Variants in LRRC4C observed in about 807,000 individuals in gnomAD.
LRRC4C encodes the protein leucine rich repeat containing 4C.
Under a neutral mutation model 33.6 loss-of-function variants are expected in LRRC4C, and 5 were observed. The ratio of observed to expected loss-of-function variants is 0.15; its 90% CI spans 0.08 to 0.31. The LOEUF (loss-of-function observed/expected upper bound fraction) is 0.31. Among genes scored for constraint, LRRC4C ranks in the 10% least tolerant of loss-of-function variants. LRRC4C has a pLI of 1.00. For missense variants in LRRC4C, 560 were observed against 796.7 expected, an observed-to-expected ratio of 0.70 and a Z score of 3.58; for synonymous variants, 329 against 302.0, an observed-to-expected ratio of 1.09 and a Z score of -0.93.
chr11:40,194,330 G>T (rs1862075861), intron 5 of LRRC4C, among the ~76,000 whole-genome samples: 1 of 152,156 alleles, frequency 6.6e-6, no homozygotes, highest in Non-Finnish European at 1.5e-5. Context: ...TTTCAACCTA[G>T]AATTTCACAT....
chr11:41,005,918 G>A (rs772429085), intron 1 of LRRC4C, among the ~76,000 whole-genome samples: 6 of 152,000 alleles, frequency 3.9e-5, no homozygotes, highest in Non-Finnish European at 8.8e-5. Context: ...GGTCCCTTCA[G>A]GTACAGAGTA....
chr11:40,273,450 C>T (rs149914075), intron 4 of LRRC4C, among the ~76,000 whole-genome samples: 1 of 152,180 alleles, frequency 6.6e-6, no homozygotes, highest in East Asian at 1.9e-4. Context: ...AACAGGGACA[C>T]AAAATACAGA....
At chr11:40,478,694 G>A (rs1444357134) in intron 3 of LRRC4C, among the ~76,000 whole-genome samples, 2 of 152,112 alleles carry the variant, frequency 1.3e-5, no homozygotes, top group Non-Finnish European at 2.9e-5. Context: ...GGGCACAGAG[G>A]AATCCAGTAA....
intron 3 of LRRC4C, among the ~76,000 whole-genome samples, chr11:40,345,598 G>A (rs1947090165): frequency 6.6e-6 from 1 of 151,908 alleles, no homozygotes; most frequent in African/African-American, 2.4e-5. Context: ...TAAAAACCCT[G>A]ACAAATAACA....
At chr11:41,188,570 T>G (rs750564878) in intron 1 of LRRC4C, among the ~76,000 whole-genome samples, 1 of 152,100 alleles carries the variant, frequency 6.6e-6, no homozygotes, top group Non-Finnish European at 1.5e-5. Context: ...CAATCATTCA[T>G]AGATGGACTG....
intron 3 of LRRC4C, among the ~76,000 whole-genome samples, chr11:40,490,065 C>A (rs144261812): frequency 6.6e-6 from 1 of 152,092 alleles, no homozygotes; most frequent in African/African-American, 2.4e-5. Context: ...CAGTGCCTGC[C>A]ATCTTTGTGT....
intron 1 of LRRC4C, among the ~76,000 whole-genome samples, chr11:40,987,221 T>A (rs767499898): frequency 6.6e-6 from 1 of 152,188 alleles, no homozygotes; most frequent in Non-Finnish European, 1.5e-5. Context: ...CCCTTGACCA[T>A]GTCCATAAAA....
At chr11:40,484,804 C>A (rs886584686) in intron 3 of LRRC4C, among the ~76,000 whole-genome samples, 9 of 151,980 alleles carry the variant, frequency 5.9e-5, no homozygotes, top group Admixed American at 2.0e-4. Context: ...CAACAAAAAT[C>A]CTGCTAAGAA....
intron 1 of LRRC4C, among the ~76,000 whole-genome samples, chr11:41,230,127 G>C (rs557711829): frequency 3.3e-5 from 5 of 151,950 alleles, no homozygotes; most frequent in South Asian, 2.1e-4. Flanking sequence ...TCAGAGGATT[G>C]GTCTTCTCTT....
chr11:40,210,471 A>G (rs189227549), intron 5 of LRRC4C, among the ~76,000 whole-genome samples: 10 of 152,310 alleles, frequency 6.6e-5, no homozygotes, highest in Admixed American at 6.5e-4. Context: ...GAAAAAGAGG[A>G]AAATGAACAG....
At chr11:40,847,695 T>C (rs747973085) in intron 2 of LRRC4C, among the ~76,000 whole-genome samples, 2 of 152,094 alleles carry the variant, frequency 1.3e-5, no homozygotes, top group Admixed American at 6.5e-5. Flanking sequence ...TCTTTTTCCA[T>C]TGTTGGAAAT....
At chr11:41,005,674 G>T (rs777764644) in intron 1 of LRRC4C, among the ~76,000 whole-genome samples, 6 of 151,912 alleles carry the variant, frequency 3.9e-5, no homozygotes, top group Non-Finnish European at 1.5e-5. Context: ...TCTCTCTCTC[G>T]CAATGTGACC....
intron 4 of LRRC4C, among the ~76,000 whole-genome samples, chr11:40,297,626 G>A (rs538718319): frequency 6.6e-6 from 1 of 151,728 alleles, no homozygotes; most frequent in South Asian, 2.1e-4. Context: ...ACCCATGATG[G>A]CTACTCCTCC....
intron 3 of LRRC4C, among the ~76,000 whole-genome samples, chr11:40,398,600 T>A (rs1949634876): frequency 6.6e-6 from 1 of 152,086 alleles, no homozygotes; most frequent in Admixed American, 6.6e-5. Context: ...GATTGTTTTG[T>A]TTTCCATAAT....
At chr11:40,356,285 G>A (rs1331777502) in intron 3 of LRRC4C, among the ~76,000 whole-genome samples, 1 of 152,136 alleles carries the variant, frequency 6.6e-6, no homozygotes, top group African/African-American at 2.4e-5. Context: ...GCGTCAGAAT[G>A]AGCCAGCTCC....
intron 1 of LRRC4C, among the ~76,000 whole-genome samples, chr11:41,359,381 C>T (rs1321286042): frequency 6.6e-6 from 1 of 152,090 alleles, no homozygotes; most frequent in East Asian, 1.9e-4. Flanking sequence ...GGATAATCAA[C>T]TGTAACAAAT....
chr11:41,259,818 G>A (rs1948918416), intron 1 of LRRC4C, among the ~76,000 whole-genome samples: 1 of 151,622 alleles, frequency 6.6e-6, no homozygotes. Context: ...TTTCTTTGGT[G>A]GTTTTTTTTT....
chr11:40,442,750 T>C (rs1240611884), intron 3 of LRRC4C, among the ~76,000 whole-genome samples: 2 of 152,206 alleles, frequency 1.3e-5, no homozygotes, highest in Non-Finnish European at 2.9e-5. Context: ...AACATTTGTA[T>C]TCCAGTATCT....
Position 40,338,690 on chromosome 11 carries a change from A to T in LRRC4C, c.-269-18969T>A, listed in dbSNP as rs192361369. ...ATCATTTTGAAAGTATTTTTTTTAA[A>T]AATGAAAATGACAGCAGGGAATTTG... On this transcript the variant is annotated intron_variant, in intron 3 of 6. Coordinates refer to ENST00000528697, the MANE Select transcript of LRRC4C (RefSeq NM_001258419.2). Among the ~76,000 whole-genome samples the T allele has an allele frequency of 3.0e-3, 458 of 152,294 alleles. 4 individuals are homozygous for T. The highest frequency in any genetic ancestry group is 0.011 in the African/African-American group (438 of 41,578).
Sources: gnomAD v4.1 joint callset for allele counts (sites outside exome capture counted in the v4.1 genomes callset) on GRCh38, gnomAD v4.1.1 for gene constraint, MANE v1.5 for transcripts, NCBI Gene and HGNC (gene_info 2026-07-23, HGNC 2026-07-21) for gene names.